The following PCDHA13 variants were observed in gnomAD, a reference collection of about 807,000 sequenced individuals.
PCDHA13 encodes the protein protocadherin alpha-13.
Under a neutral mutation model 64.8 loss-of-function variants are expected in PCDHA13, and 54 were observed. That is an observed-to-expected ratio of 0.83 (90% CI 0.67 to 1.04). The LOEUF (loss-of-function observed/expected upper bound fraction) is 1.04, where lower values mean the gene tolerates loss of function less well. PCDHA13 is among the 50% of genes least tolerant of loss of function. PCDHA13 has a pLI of 0.00. For missense variants in PCDHA13, 1,248 were observed against 1,254.3 expected (o/e 0.99, Z 0.08); for synonymous variants, 587 against 564.4 (o/e 1.04, Z -0.57).
intron 1 of PCDHA13, among the ~76,000 whole-genome samples, chr5:140,898,520 G>A (rs1583310662): frequency 6.6e-6 from 1 of 152,298 alleles, no homozygotes; most frequent in East Asian, 1.9e-4. Context: ...CGTTATTTCT[G>A]AGGGCTCTGT....
intron 3 of PCDHA13, among the ~76,000 whole-genome samples, chr5:140,983,787 A>G (rs1439684844): frequency 6.6e-6 from 1 of 152,234 alleles, no homozygotes; most frequent in Non-Finnish European, 1.5e-5. Flanking sequence ...ATAACAGATG[A>G]CAGAATGTGT....
chr5:140,922,989 G>A (rs2081104632), intron 1 of PCDHA13, among the ~76,000 whole-genome samples: 1 of 152,214 alleles, frequency 6.6e-6, no homozygotes, highest in Non-Finnish European at 1.5e-5. Context: ...CAATAGGCAA[G>A]CCATGAGAAT....
intron 3 of PCDHA13, among the ~76,000 whole-genome samples, chr5:141,000,387 C>G (rs868946328): frequency 1.5e-5 from 1 of 66,898 alleles, no homozygotes. Context: ...CTCTCTCTCT[C>G]TCTCTCTCTA....
At chr5:140,949,453 A>T (rs1284957540) in intron 1 of PCDHA13, among the ~76,000 whole-genome samples, 4 of 151,762 alleles carry the variant, frequency 2.6e-5, no homozygotes, top group African/African-American at 9.7e-5. Flanking sequence ...TGCTTCATGT[A>T]ATTTGAAGCC....
chr5:140,964,964 C>A (rs1035701368), intron 1 of PCDHA13, among the ~76,000 whole-genome samples: 1 of 152,094 alleles, frequency 6.6e-6, no homozygotes, highest in Non-Finnish European at 1.5e-5. Flanking sequence ...GTTGGTGGAA[C>A]GAAGGGATGT....
chr5:140,964,600 A>G (rs1322521285), intron 1 of PCDHA13, among the ~76,000 whole-genome samples: 1 of 152,104 alleles, frequency 6.6e-6, no homozygotes, highest in Non-Finnish European at 1.5e-5. Flanking sequence ...TTTCATGACA[A>G]CTTACAACTT....
chr5:140,951,413 C>T (rs1206149734), intron 1 of PCDHA13, among the ~76,000 whole-genome samples: 1 of 152,028 alleles, frequency 6.6e-6, no homozygotes, highest in African/African-American at 2.4e-5. Context: ...GTTTAATTGG[C>T]TCACAGTTCC....
In PCDHA13 at chr5:140,993,460, T is replaced by TCCCA. The variant is rs1554253699; in HGVS notation, c.2542+10898_2542+10899insCCAC. On this transcript the variant is annotated intron_variant, in intron 3 of 3. Transcript: ENST00000289272. Reference sequence around the variant, plus strand: ...TTCATTCCTGTTCTCCTTCTTTCTTTCTCACACACACACACACACACACAC... The same window carrying TCCCA: ...TTCATTCCTGTTCTCCTTCTTTCTTTCCCACTCACACACACACACACACACACAC... Among the ~76,000 whole-genome samples, 30 of 104,506 alleles carry TCCCA rather than the reference T, an allele frequency of 2.9e-4. 1 individual carries two copies. The highest frequency in any genetic ancestry group is 1.1e-3 in the African/African-American group (29 of 25,484). The allele number at this position is 104,506 out of a possible 152,430, so 68.6% of individuals were successfully genotyped here.
intron 1 of PCDHA13, among the ~76,000 whole-genome samples, chr5:140,977,637 T>C (rs1440093548): frequency 6.6e-6 from 1 of 152,228 alleles, no homozygotes; most frequent in Non-Finnish European, 1.5e-5. Flanking sequence ...TAACTTTTTC[T>C]GGGCCTTGAC....
intron 3 of PCDHA13, among the ~76,000 whole-genome samples, chr5:141,005,605 G>A (rs1366861614): frequency 7.3e-5 from 11 of 150,146 alleles, no homozygotes; most frequent in African/African-American, 2.7e-4. Context: ...AGGAGGCTGA[G>A]GCAGGAGAAT....
chr5:140,954,996 A>G (rs879953600), intron 1 of PCDHA13, among the ~76,000 whole-genome samples: 16 of 152,214 alleles, frequency 1.1e-4, no homozygotes, highest in Non-Finnish European at 1.6e-4. Flanking sequence ...GCATATGGCT[A>G]GCCAATTCTC....
chr5:140,929,875 G>A lies in PCDHA13; in HGVS notation c.2394+45213G>A, dbSNP rs1326750420. 4 of 153,064 alleles carry A rather than the reference G, an allele frequency of 2.6e-5. No individual in the cohort carries two copies. The East Asian group carries it at 7.7e-4, about 29-fold the overall frequency. 9.5% of individuals were successfully genotyped at this position (153,064 alleles called of 1,614,324 possible). A position where few individuals can be genotyped will look rare whatever the true frequency, so the allele number is the denominator to read the frequency against. On this transcript the variant is annotated intron_variant, in intron 1 of 3. Transcript: ENST00000289272. ...GAGTCAGAGAAGGCTTTGTGATAGAGATCACAGATTTAGTTGGATCTTTAA... is the reference window on the plus strand; with the variant it reads ...GAGTCAGAGAAGGCTTTGTGATAGAAATCACAGATTTAGTTGGATCTTTAA...
Position 140,883,733 on chromosome 5 carries a change from C to T in PCDHA13, c.1465C>T (p.Leu489=), listed in dbSNP as rs1554179634. 2.5e-6 allele frequency: 4 copies of T among 1,613,458 alleles called. No individual in the cohort carries two copies. In the East Asian group the frequency reaches 6.7e-5, roughly 27 times the overall value. Residue 489 remains leucine (L), a synonymous_variant, in exon 1 of 4, where the codon CTG becomes TTG. Coordinates refer to ENST00000289272, the MANE Select transcript of PCDHA13 (RefSeq NM_018904.3). ...GGACGCGGACGCACAGGAGAACGCG[C>T]TGGTCTCCTACTCGCTGGTGGAGCG... The part of the protein sequence containing the change: ...AQDADAQENA[L]VSYSLVERRV...
chr5:140,927,666 G>C, intron 1 of PCDHA13: 1 of 1,614,180 alleles, frequency 6.2e-7, no homozygotes, highest in Non-Finnish European at 8.5e-7. Context: ...TTCAAGCCTT[G>C]GATCCAGATG....
At chr5:140,948,979 G>T (rs2094330965) in intron 1 of PCDHA13, among the ~76,000 whole-genome samples, 1 of 151,514 alleles carries the variant, frequency 6.6e-6, no homozygotes, top group South Asian at 2.1e-4. Flanking sequence ...AGTATGAACT[G>T]CTTTATTTGC....
chr5:140,993,462 T>TCTCACACACACA (rs1235362335), intron 3 of PCDHA13, among the ~76,000 whole-genome samples: 1 of 140,938 alleles, frequency 7.1e-6, no homozygotes, highest in African/African-American at 2.6e-5. Context: ...TCTTTCTTTC[T>TCTCACACACACA]CACACACACA....
intron 1 of PCDHA13, among the ~76,000 whole-genome samples, chr5:140,962,908 C>G (rs2095718284): frequency 1.3e-5 from 2 of 152,146 alleles, no homozygotes. Context: ...AGCTCCTTCC[C>G]TATTTGACAG....
At chr5:140,928,272 T>TG in intron 1 of PCDHA13, 1 of 1,614,156 alleles carries the variant, frequency 6.2e-7, no homozygotes, top group Admixed American at 1.7e-5. Context: ...ACAATGGCCC[T>TG]GGGGCCTCTC....
Position 140,884,123 on chromosome 5 carries a change from C to T in PCDHA13, c.1855C>T (p.Arg619Cys), listed in dbSNP as rs1360744073. 2.5e-6 allele frequency: 4 copies of T among 1,613,230 alleles called. No homozygotes were observed. The African/African-American group carries it at 4.0e-5, about 16-fold the overall frequency. The part of the protein sequence containing the change: ...YELQLAAVGA[R>C]IPFRVGLYTG... ...ATTGCAGCTGGCGGCGGTCGGCGCGCGCATCCCGTTCCGCGTGGGGCTGTA... is the reference window on the plus strand; with the variant it reads ...ATTGCAGCTGGCGGCGGTCGGCGCGTGCATCCCGTTCCGCGTGGGGCTGTA... Residue 619 changes from arginine to cysteine, a missense_variant, in exon 1 of 4, where the codon CGC becomes TGC. Physicochemically the swap from Arg to Cys is radical, Grantham distance 180. Coordinates refer to ENST00000289272, the MANE Select transcript of PCDHA13 (RefSeq NM_018904.3).
Sources: allele counts gnomAD v4.1 joint callset (sites outside exome capture counted in the v4.1 genomes callset), GRCh38; gene constraint gnomAD v4.1.1; transcripts MANE v1.5; gene names NCBI Gene and HGNC (gene_info 2026-07-23, HGNC 2026-07-21).